KPNA4: variants seen among roughly 807,000 people sequenced by gnomAD.
The protein encoded by KPNA4 is karyopherin subunit alpha 4, also known as importin subunit alpha-3.
A neutral mutation model predicts 71.3 loss-of-function variants in KPNA4; 13 were observed. The observed-to-expected ratio is 0.18, with a 90% CI of 0.12 to 0.29. The LOEUF (loss-of-function observed/expected upper bound fraction) is 0.29. KPNA4 is among the 10% of genes least tolerant of loss of function. KPNA4 has a pLI of 1.00. For synonymous variants in KPNA4, 189 were observed against 195.2 expected (o/e 0.97, Z 0.26); for missense variants, 334 against 603.2 (o/e 0.55, Z 4.67).
Position 160,496,805 on chromosome 3 carries a change from C to T in KPNA4, c.*5299G>A, listed in dbSNP as rs1287657533. 1 of 152,088 alleles carries T rather than the reference C, an allele frequency of 6.6e-6. No individual in the cohort carries two copies. The highest frequency in any genetic ancestry group is 1.5e-5 in the Non-Finnish European group (1 of 68,016). 9.4% of individuals were successfully genotyped at this position (152,088 alleles called of 1,614,324 possible). A position where few individuals can be genotyped will look rare whatever the true frequency, so the allele number is the denominator to read the frequency against. ...GTAGATCATAAAGAATCTGTAGAAC[C>T]ATTTACTTTTCCTCACAGTCAACTG... On this transcript the variant is annotated 3_prime_UTR_variant, in exon 17 of 17. Coordinates refer to ENST00000334256, the MANE Select transcript of KPNA4 (RefSeq NM_002268.5).
Position 160,508,131 on chromosome 3 carries a change from C to A in KPNA4, c.1348G>T (p.Gly450Cys). The A allele has an allele frequency of 6.2e-7, 1 of 1,604,034 alleles. No individual in the cohort carries two copies. Among genetic ancestry groups the A allele is most frequent in the Non-Finnish European group, 8.5e-7 (1 of 1,175,876 alleles). ...KMAEDEAETIGNLIEECGGLE... is the reference protein window; with the variant it reads ...KMAEDEAETICNLIEECGGLE... Reference sequence around the variant, plus strand: ...CCTCCACATTCTTCTATAAGATTGCCTATGGTTTCTGCCTCATCTTCAGCC... The same window carrying A: ...CCTCCACATTCTTCTATAAGATTGCATATGGTTTCTGCCTCATCTTCAGCC... The change falls in exon 15 of 17, where the codon GGC becomes TGC. Residue 450 changes from glycine (G) to cysteine (C), a missense_variant. Physicochemically the swap from Gly to Cys is radical, Grantham distance 159. Transcript: ENST00000334256.
intron 1 of KPNA4, among the ~76,000 whole-genome samples, chr3:160,543,428 C>G (rs1387982701): frequency 6.6e-6 from 1 of 151,704 alleles, no homozygotes; most frequent in Non-Finnish European, 1.5e-5. Flanking sequence ...GTAACCTCAG[C>G]CTGCTGGGTT....
chr3:160,551,030 C>T (rs1722030753), intron 1 of KPNA4, among the ~76,000 whole-genome samples: 1 of 151,754 alleles, frequency 6.6e-6, no homozygotes, highest in African/African-American at 2.4e-5. Context: ...GAGTTTGGAA[C>T]TCTTCCATCT....
intron 10 of KPNA4, among the ~76,000 whole-genome samples, chr3:160,523,954 T>A: frequency 6.6e-6 from 1 of 152,320 alleles, no homozygotes; most frequent in Admixed American, 6.5e-5. Context: ...TCTGGAATAT[T>A]AACATATGCT....
chr3:160,519,801 C>CAAAAAAAAAAAAAAAA (rs558355699), intron 11 of KPNA4, among the ~76,000 whole-genome samples: 15 of 83,692 alleles, frequency 1.8e-4, no homozygotes, highest in East Asian at 4.5e-4. Context: ...GACTCCGTCT[C>CAAAAAAAAAAAAAAAA]AAAAAAAAAA....
rs1039839934 is a variant in KPNA4, at chr3:160,511,649, G to A, written c.1138-1778C>T. On this transcript the variant is annotated intron_variant, in intron 13 of 16. Coordinates refer to ENST00000334256, the MANE Select transcript of KPNA4 (RefSeq NM_002268.5). The stretch of plus-strand genomic sequence containing the variant: ...AAATATATTCTAAGGGCAAACAAAT[G>A]TCAAAGAAATCTTAAAAGTACATTC... Among the ~76,000 whole-genome samples, 5 of 151,498 alleles carry A rather than the reference G, an allele frequency of 3.3e-5. No individual in the cohort carries two copies. The South Asian group carries it at 1.0e-3, about 31-fold the overall frequency.
At chr3:160,565,172 G>C in intron 1 of KPNA4, 42 bp downstream of exon 1, 2 of 1,527,160 alleles carry the variant, frequency 1.3e-6, no homozygotes, top group Non-Finnish European at 1.8e-6. Flanking sequence ...ACCGGCCCCA[G>C]GCCCACAGCC....
At chr3:160,514,845 T>C (rs910317657) in intron 12 of KPNA4, 44 of 433,264 alleles carry the variant, frequency 1.0e-4, no homozygotes, top group African/African-American at 6.3e-4. Context: ...GTTATAATCA[T>C]AGATAACTAA....
intron 1 of KPNA4, among the ~76,000 whole-genome samples, chr3:160,547,554 C>G (rs1721948336): frequency 6.6e-6 from 1 of 152,104 alleles, no homozygotes; most frequent in Admixed American, 6.6e-5. Flanking sequence ...TTTGTTACAA[C>G]TGATGAGCCT....
rs1721027698 is a variant in KPNA4 at position 160,508,373 on chromosome 3, A to G, written c.1210-104T>C. 3 of 751,068 alleles carry G rather than the reference A, an allele frequency of 4.0e-6. No homozygotes were observed. The East Asian group carries it at 8.7e-5, about 22-fold the overall frequency. The allele number at this position is 751,068 out of a possible 1,614,324, so 46.5% of individuals were successfully genotyped here. A position where few individuals can be genotyped will look rare whatever the true frequency, so the allele number is the denominator to read the frequency against. ...ATTTTGAAATTTCGAGTATAGAAAT[A>G]TGACCTCATCTCTCTCATGTTAAGT... On this transcript the variant is annotated intron_variant, in intron 14 of 16. Coordinates refer to ENST00000334256, the MANE Select transcript of KPNA4 (RefSeq NM_002268.5).
intron 12 of KPNA4, 25 bp from the exon 13 acceptor site, chr3:160,514,206 T>C (rs771859417): frequency 1.3e-6 from 2 of 1,526,374 alleles, no homozygotes; most frequent in Non-Finnish European, 1.8e-6. Context: ...CATTTGAATA[T>C]TTCTCATTAA....
At chr3:160,562,608 T>C (rs1032985919) in intron 1 of KPNA4, among the ~76,000 whole-genome samples, 1 of 152,220 alleles carries the variant, frequency 6.6e-6, no homozygotes, top group African/African-American at 2.4e-5. Context: ...TAAAAAAGAA[T>C]GTTTCTATCT....
rs1236859802 is a variant in KPNA4, at chr3:160,501,968, G to A, written c.*136C>T. 3.5e-6 allele frequency: 1 copy of A among 288,672 alleles called. No homozygotes were observed. The highest frequency in any genetic ancestry group is 2.2e-5 in the African/African-American group (1 of 44,812). The allele number at this position is 288,672 out of a possible 1,614,324, so 17.9% of individuals were successfully genotyped here. A position where few individuals can be genotyped will look rare whatever the true frequency, so the allele number is the denominator to read the frequency against. On this transcript the variant is annotated 3_prime_UTR_variant, in exon 17 of 17. Transcript: ENST00000334256. ...TTCACATTTTCTTTCCCGATTTAATGCAGCAGCAGATCCCATGAGCCAAGC... is the reference window on the plus strand; with the variant it reads ...TTCACATTTTCTTTCCCGATTTAATACAGCAGCAGATCCCATGAGCCAAGC...
chr3:160,543,083 A>G (rs1318221170), intron 1 of KPNA4, among the ~76,000 whole-genome samples: 1 of 119,226 alleles, frequency 8.4e-6, no homozygotes, highest in Non-Finnish European at 2.1e-5. Flanking sequence ...GAAGGGAAAA[A>G]TCTGAATTCC....
intron 1 of KPNA4, among the ~76,000 whole-genome samples, chr3:160,551,382 C>G (rs1210548590): frequency 6.6e-6 from 1 of 152,076 alleles, no homozygotes; most frequent in Non-Finnish European, 1.5e-5. Flanking sequence ...TCTAAGAGTT[C>G]AGGAAAGGGA....
intron 1 of KPNA4, among the ~76,000 whole-genome samples, chr3:160,561,193 G>T (rs1004598719): frequency 3.9e-5 from 6 of 151,956 alleles, no homozygotes; most frequent in African/African-American, 1.4e-4. Flanking sequence ...AAAAGATCTA[G>T]TTATATTTTA....
At chr3:160,511,711 T>TA (rs1560044864) in intron 13 of KPNA4, among the ~76,000 whole-genome samples, 1 of 120,216 alleles carries the variant, frequency 8.3e-6, no homozygotes, top group Non-Finnish European at 1.9e-5. Context: ...GGCTTTGTTA[T>TA]TTTTATATAT....
intron 1 of KPNA4, among the ~76,000 whole-genome samples, chr3:160,564,937 G>GCGGCC (rs1274017541): frequency 1.4e-5 from 2 of 146,008 alleles, no homozygotes; most frequent in Non-Finnish European, 3.0e-5. Context: ...TCCCCGCCGC[G>GCGGCC]CGGCCCGGCC....
In KPNA4 at chr3:160,495,277, G is replaced by C. The variant is rs1720732418; in HGVS notation, c.*6827C>G. 1.3e-5 allele frequency: 2 copies of C among 152,306 alleles called. No individual in the cohort carries two copies. The highest frequency in any genetic ancestry group is 4.1e-4 in the South Asian group (2 of 4,824). The allele number at this position is 152,306 out of a possible 1,614,324, so 9.4% of individuals were successfully genotyped here. A position where few individuals can be genotyped will look rare whatever the true frequency, so the allele number is the denominator to read the frequency against. ...CTGGATATACTCCTGACTTCTTGAA[G>C]GAGTAAATATCTAGAATATTCAAGG... On this transcript the variant is annotated 3_prime_UTR_variant, in exon 17 of 17. Transcript: ENST00000334256.
Sources: allele counts gnomAD v4.1 joint callset (sites outside exome capture counted in the v4.1 genomes callset), GRCh38; gene constraint gnomAD v4.1.1; transcripts MANE v1.5; gene names NCBI Gene and HGNC (gene_info 2026-07-23, HGNC 2026-07-21).